ANK3: variants seen among roughly 807,000 people sequenced by gnomAD.
The protein encoded by ANK3 is ankyrin 3.
ANK3 carries 57 observed loss-of-function variants against 370.9 expected under a neutral mutation model. The observed-to-expected ratio is 0.15, with a 90% CI of 0.12 to 0.19. The LOEUF (loss-of-function observed/expected upper bound fraction) is 0.19. ANK3 is among the 10% of genes least tolerant of loss of function. ANK3 has a pLI of 1.00. For synonymous variants in ANK3, 1,929 were observed against 1,946.3 expected, an observed-to-expected ratio of 0.99 and a Z score of 0.23; for missense variants, 4,439 against 5,302.1, an observed-to-expected ratio of 0.84 and a Z score of 5.06.
At chr10:60,587,365 T>C (rs974942710) in intron 2 of ANK3, among the ~76,000 whole-genome samples, 1 of 152,216 alleles carries the variant, frequency 6.6e-6, no homozygotes. Context: ...ACTGAGATTA[T>C]GGCTACTTTC....
intron 40 of ANK3, chr10:60,059,649 A>C (rs779873761): frequency 1.3e-6 from 2 of 1,558,120 alleles, no homozygotes; most frequent in Non-Finnish European, 1.7e-6. Flanking sequence ...TGCTGGTTTA[A>C]CATCTTTTGG....
intron 43 of ANK3, among the ~76,000 whole-genome samples, chr10:60,032,457 C>G (rs2073907580): frequency 1.3e-5 from 2 of 151,960 alleles, no homozygotes; most frequent in Admixed American, 1.3e-4. Context: ...ATCCACCTGC[C>G]TCGGCCTCCC....
chr10:60,441,696 G>A (rs577332642), intron 2 of ANK3, among the ~76,000 whole-genome samples: 1 of 152,062 alleles, frequency 6.6e-6, no homozygotes, highest in Non-Finnish European at 1.5e-5. Flanking sequence ...CATTTGTTTT[G>A]TTGCTATTCA....
intron 2 of ANK3, among the ~76,000 whole-genome samples, chr10:60,475,637 AC>A (rs1218884384): frequency 6.6e-6 from 1 of 152,242 alleles, no homozygotes; most frequent in Non-Finnish European, 1.5e-5. Flanking sequence ...AGATCAGGAA[AC>A]AAAACCCAGT....
At chr10:60,433,594 ACT>A (rs1478698281) in intron 2 of ANK3, among the ~76,000 whole-genome samples, 1 of 151,982 alleles carries the variant, frequency 6.6e-6, no homozygotes, top group Non-Finnish European at 1.5e-5. Context: ...ACAGAGTGAG[ACT>A]CTGTCTCAAA....
In ANK3 at chr10:60,084,962, C is replaced by T. The variant is rs748677381; in HGVS notation, c.3846-132G>A. 3.2e-4 allele frequency: 249 copies of T among 768,184 alleles called. 1 individual carries two copies. Among genetic ancestry groups the T allele is most frequent in the Non-Finnish European group, 4.4e-4 (217 of 498,170 alleles). The allele number at this position is 768,184 out of a possible 1,614,324, so 47.6% of individuals were successfully genotyped here. A position where few individuals can be genotyped will look rare whatever the true frequency, so the allele number is the denominator to read the frequency against. On this transcript the variant is annotated intron_variant, in intron 31 of 43. Coordinates refer to ENST00000280772, the MANE Select transcript of ANK3 (RefSeq NM_020987.5). ...AACGTTATTAACTTGTTCATTTAAACAGCAAAGATGCTTTTTCGATGTATC... is the reference window on the plus strand; with the variant it reads ...AACGTTATTAACTTGTTCATTTAAATAGCAAAGATGCTTTTTCGATGTATC...
At chr10:60,110,112 GA>G (rs1045939270) in intron 26 of ANK3, among the ~76,000 whole-genome samples, 9 of 151,008 alleles carry the variant, frequency 6.0e-5, no homozygotes, top group African/African-American at 1.9e-4. Context: ...AGTGTTTTTA[GA>G]AAAAAAAAGT....
chr10:60,073,849 T>C lies in ANK3; in HGVS notation c.7032A>G (p.Glu2344=). Residue 2344 remains glutamate, a synonymous_variant, in exon 37 of 44, where the codon GAA becomes GAG. Transcript: ENST00000280772. The stretch of plus-strand genomic sequence containing the variant: ...GCTTTTTGGTTTCTCTAATAATGAC[T>C]TCAGTGGGCTCAGCTTGGTTACCTT... ...IEKGNQAEPT[E]VIIRETKKHP... is the part of the protein sequence containing the mutation. The C allele has an allele frequency of 1.9e-6, 3 of 1,613,750 alleles. No homozygotes were observed. Among genetic ancestry groups the C allele is most frequent in the Non-Finnish European group, 1.7e-6 (2 of 1,180,002 alleles).
intron 2 of ANK3, among the ~76,000 whole-genome samples, chr10:60,489,021 T>C (rs1187944346): frequency 1.3e-5 from 2 of 151,976 alleles, no homozygotes; most frequent in Non-Finnish European, 2.9e-5. Context: ...ATACATTTAA[T>C]TTTTTTTCTA....
At chr10:60,081,563 C>G (rs898672189) in intron 35 of ANK3, 3 of 420,042 alleles carry the variant, frequency 7.1e-6, no homozygotes, top group Non-Finnish European at 1.4e-5. Context: ...GTGAGAGTAT[C>G]AAAGATTTAT....
chr10:60,158,829 C>A (rs762194941), intron 23 of ANK3, among the ~76,000 whole-genome samples: 29 of 151,886 alleles, frequency 1.9e-4, no homozygotes, highest in Non-Finnish European at 3.7e-4. Flanking sequence ...ATGCATGCCA[C>A]CATGCCCAGC....
intron 7 of ANK3, among the ~76,000 whole-genome samples, chr10:60,260,079 A>G (rs1321638461): frequency 6.6e-6 from 1 of 152,204 alleles, no homozygotes; most frequent in Non-Finnish European, 1.5e-5. Context: ...CTATTAGTAC[A>G]ATCTCAGCCC....
chr10:60,315,641 T>C (rs537318689), intron 1 of ANK3, among the ~76,000 whole-genome samples: 42 of 152,302 alleles, frequency 2.8e-4, no homozygotes, highest in African/African-American at 9.9e-4. Flanking sequence ...GAGAGAATGT[T>C]TTGGTAAAAT....
intron 2 of ANK3, among the ~76,000 whole-genome samples, chr10:60,421,952 A>G (rs1037578780): frequency 1.3e-5 from 2 of 152,084 alleles, no homozygotes; most frequent in Non-Finnish European, 2.9e-5. Flanking sequence ...CCTGACCCCA[A>G]TGTGGATTGT....
intron 17 of ANK3, among the ~76,000 whole-genome samples, chr10:60,184,382 T>C (rs557506595): frequency 1.3e-5 from 2 of 152,354 alleles, no homozygotes; most frequent in East Asian, 3.9e-4. Context: ...TAGTGCTTTA[T>C]ACTGAAAACG....
At chr10:60,415,620 A>ATT (rs2063645954) in intron 2 of ANK3, among the ~76,000 whole-genome samples, 1 of 152,034 alleles carries the variant, frequency 6.6e-6, no homozygotes, top group African/African-American at 2.4e-5. Flanking sequence ...CATCCAATGA[A>ATT]ATTCTGGGTT....
At chr10:60,139,281 G>T in intron 23 of ANK3, 194 bp from the exon 24 acceptor site, 1 of 536,954 alleles carries the variant, frequency 1.9e-6, no homozygotes, top group Non-Finnish European at 3.1e-6. Flanking sequence ...AATTTCAAGA[G>T]TGAATTTAAG....
At chr10:60,142,682 T>A (rs930414417) in intron 23 of ANK3, among the ~76,000 whole-genome samples, 1 of 151,958 alleles carries the variant, frequency 6.6e-6, no homozygotes, top group Non-Finnish European at 1.5e-5. Flanking sequence ...CAAAAAGAAG[T>A]CTGGGGTAGG....
intron 18 of ANK3, among the ~76,000 whole-genome samples, chr10:60,175,808 A>G (rs2132323891): frequency 6.6e-6 from 1 of 152,290 alleles, no homozygotes; most frequent in South Asian, 2.1e-4. Flanking sequence ...ATCTGTGTGA[A>G]TTTGGATAAG....
Sources: allele counts gnomAD v4.1 joint callset (sites outside exome capture counted in the v4.1 genomes callset), GRCh38; gene constraint gnomAD v4.1.1; transcripts MANE v1.5; gene names NCBI Gene and HGNC (gene_info 2026-07-23, HGNC 2026-07-21).